Variants in ME3 observed in about 807,000 individuals in gnomAD.
ME3 encodes the protein NADP-dependent malic enzyme, mitochondrial.
ME3 carries 48 observed loss-of-function variants against 68.9 expected under a neutral mutation model. The observed-to-expected ratio is 0.70, with a 90% CI of 0.55 to 0.89. The LOEUF is 0.89. ME3 is among the 40% of genes least tolerant of loss of function. ME3 has a pLI of 0.00. For missense variants in ME3, 675 were observed against 797.4 expected (o/e 0.85, Z 1.85); for synonymous variants, 320 against 318.8 (o/e 1.00, Z -0.04).
chr11:86,637,688 TGGGA>T (rs1050534892), intron 2 of ME3, among the ~76,000 whole-genome samples: 2 of 151,838 alleles, frequency 1.3e-5, no homozygotes, highest in African/African-American at 4.8e-5. Flanking sequence ...GTGCTGTAGG[TGGGA>T]GGAAGCACAG....
intron 7 of ME3, among the ~76,000 whole-genome samples, chr11:86,484,519 C>T (rs932655160): frequency 6.6e-6 from 1 of 152,156 alleles, no homozygotes; most frequent in Non-Finnish European, 1.5e-5. Flanking sequence ...CCAAGGATCC[C>T]GCCCCCCGCT....
At chr11:86,556,562 C>G in exon 4 of ME3, 1 of 1,613,550 alleles carries the variant, frequency 6.2e-7, no homozygotes, top group Non-Finnish European at 8.5e-7. Context: ...CCGGGGCCTG[C>G]GGAAAGTCAG....
downstream of ME3, chr11:86,436,766 G>A (rs1202516999): frequency 6.6e-6 from 1 of 151,974 alleles, no homozygotes; most frequent in Non-Finnish European, 1.5e-5. Flanking sequence ...AATTGTTTCA[G>A]CACAATTTGT....
chr11:86,508,656 T>C (rs1379537742), intron 5 of ME3, 136 bp downstream of exon 5: 3 of 750,676 alleles, frequency 4.0e-6, no homozygotes, highest in Non-Finnish European at 6.8e-6. Context: ...CTATAACAGG[T>C]CTGTGGCTTA....
chr11:86,604,702 G>A (rs2135147336), intron 2 of ME3, among the ~76,000 whole-genome samples: 1 of 152,038 alleles, frequency 6.6e-6, no homozygotes, highest in Admixed American at 6.5e-5. Flanking sequence ...ATAGATCAGG[G>A]AACTGAGGTA....
intron 13 of ME3, 131 bp from the exon 14 acceptor site, chr11:86,443,050 CTG>C (rs1260055571): frequency 1.6e-5 from 10 of 633,604 alleles, no homozygotes; most frequent in Non-Finnish European, 2.8e-5. Flanking sequence ...ACTGTTGACT[CTG>C]TTACCAGGGA....
At chr11:86,456,878 A>G (rs1949967929) in intron 8 of ME3, among the ~76,000 whole-genome samples, 1 of 152,190 alleles carries the variant, frequency 6.6e-6, no homozygotes, top group African/African-American at 2.4e-5. Flanking sequence ...AATCTTCCCA[A>G]CAACTCCATG....
At chr11:86,523,752 G>A (rs1954508785) in intron 4 of ME3, among the ~76,000 whole-genome samples, 1 of 152,038 alleles carries the variant, frequency 6.6e-6, no homozygotes, top group African/African-American at 2.4e-5. Context: ...AGAAGGCCTT[G>A]AACCTCCATC....
intron 2 of ME3, among the ~76,000 whole-genome samples, chr11:86,573,968 C>G (rs1452196428): frequency 2.0e-5 from 3 of 152,106 alleles, no homozygotes; most frequent in African/African-American, 7.2e-5. Context: ...GCCTTGCATC[C>G]CAGGGATGAA....
intron 4 of ME3, among the ~76,000 whole-genome samples, chr11:86,544,558 A>C (rs1395592139): frequency 6.6e-6 from 1 of 152,236 alleles, no homozygotes; most frequent in African/African-American, 2.4e-5. Flanking sequence ...AATCTAGAAG[A>C]AATTGATAAA....
intron 4 of ME3, among the ~76,000 whole-genome samples, chr11:86,530,946 T>G (rs2139267663): frequency 6.6e-6 from 1 of 152,214 alleles, no homozygotes; most frequent in South Asian, 2.1e-4. Context: ...GTGCAAGGAC[T>G]TCATGTCTAA....
At chr11:86,610,525 G>T (rs4944602) in intron 2 of ME3, among the ~76,000 whole-genome samples, 60,123 of 151,490 alleles carry the variant, frequency 0.4, 12,481 homozygotes, top group East Asian at 0.7. Flanking sequence ...AAGGTAGAAG[G>T]TGCAGCAGCA....
chr11:86,528,824 A>G (rs1384673075), intron 4 of ME3, among the ~76,000 whole-genome samples: 3 of 152,206 alleles, frequency 2.0e-5, no homozygotes, highest in Non-Finnish European at 4.4e-5. Flanking sequence ...CAAAGACACA[A>G]CATGCCAGAA....
intron 2 of ME3, among the ~76,000 whole-genome samples, chr11:86,575,139 A>G (rs149151449): frequency 6.8e-6 from 1 of 147,306 alleles, no homozygotes; most frequent in Admixed American, 6.7e-5. Flanking sequence ...TACAGCTTCT[A>G]ACATTTTTAA....
At chr11:86,442,997 G>T in intron 13 of ME3, 78 bp from the exon 14 acceptor site, 2 of 1,119,416 alleles carry the variant, frequency 1.8e-6, no homozygotes, top group Non-Finnish European at 2.7e-6. Flanking sequence ...TTACCCCAGA[G>T]ACTCACCCCA....
At chr11:86,652,468 C>T (rs1420723478) in intron 2 of ME3, among the ~76,000 whole-genome samples, 3 of 152,040 alleles carry the variant, frequency 2.0e-5, no homozygotes, top group Non-Finnish European at 2.9e-5. Context: ...GAATTTTCAA[C>T]CCAGAATTTC....
chr11:86,603,132 A>C (rs974081456), intron 2 of ME3, among the ~76,000 whole-genome samples: 2 of 152,248 alleles, frequency 1.3e-5, no homozygotes, highest in African/African-American at 4.8e-5. Context: ...TCAGCACAGC[A>C]AAAGAAACTA....
At chr11:86,527,093 T>G (rs892703786) in intron 4 of ME3, among the ~76,000 whole-genome samples, 1 of 152,114 alleles carries the variant, frequency 6.6e-6, no homozygotes, top group Admixed American at 6.6e-5. Flanking sequence ...TTCGAACCCA[T>G]GGCAAAGAAG....
rs1482366901 is a variant in ME3 at position 86,619,451 on chromosome 11, C to G, written c.183+52311G>C. 2.6e-5 allele frequency among the ~76,000 whole-genome samples: 4 copies of G among 152,332 alleles called. No individual in the cohort carries two copies. The East Asian group carries it at 7.7e-4, about 29-fold the overall frequency. On this transcript the variant is annotated intron_variant, in intron 2 of 14. Coordinates refer to ENST00000543262, the Ensembl canonical transcript of ME3. ...TGATAATGGTTTGGCTGTGTCCCCACCCAAATCTCATCTTGAATTGTAGCT... is the reference window on the plus strand; with the variant it reads ...TGATAATGGTTTGGCTGTGTCCCCAGCCAAATCTCATCTTGAATTGTAGCT...
Sources: gnomAD v4.1 joint callset for allele counts (sites outside exome capture counted in the v4.1 genomes callset) on GRCh38, gnomAD v4.1.1 for gene constraint, MANE v1.5 for transcripts, NCBI Gene and HGNC (gene_info 2026-07-23, HGNC 2026-07-21) for gene names.